Variants in ZNF462 observed in about 807,000 individuals in gnomAD.
The protein encoded by ZNF462 is zinc finger PBX1-interacting protein.
In ZNF462, 10 loss-of-function variants were observed where a neutral mutation model predicts 201.9. That is an observed-to-expected ratio of 0.05 (90% confidence interval 0.03 to 0.08). The LOEUF (loss-of-function observed/expected upper bound fraction) is 0.08, where lower values mean the gene tolerates loss of function less well. ZNF462 is among the 10% of genes least tolerant of loss of function. The pLI is 1.00. For synonymous variants in ZNF462, 1,227 were observed against 1,193.3 expected (o/e 1.03, Z -0.58); for missense variants, 2,523 against 3,168.3 (o/e 0.80, Z 4.89).
In ZNF462 at chr9:106,886,424, T is replaced by C. The variant is rs1828320798; in HGVS notation, c.-31+23069T>C. Among the ~76,000 whole-genome samples, 2 of 152,192 alleles carry C rather than the reference T, an allele frequency of 1.3e-5. No individual in the cohort carries two copies. Among genetic ancestry groups the C allele is most frequent in the East Asian group, 1.9e-4 (1 of 5,192 alleles). On this transcript the variant is annotated intron_variant, in intron 1 of 12. Transcript: ENST00000277225. The surrounding 1 kb of genome is among the most constrained non-coding windows in gnomAD (Gnocchi z 4.6). Reference sequence around the variant, plus strand: ...GATTCAAGCCACTGCATGTTGGCAATGTAGTAGATCCTGGTTTTAAAAATA... The same window carrying C: ...GATTCAAGCCACTGCATGTTGGCAACGTAGTAGATCCTGGTTTTAAAAATA...
chr9:107,010,737 C>G lies in ZNF462; in HGVS notation c.7314-86C>G. 1 of 1,279,492 alleles carries G rather than the reference C, an allele frequency of 7.8e-7. No homozygotes were observed. The highest frequency in any genetic ancestry group is 1.1e-6 in the Non-Finnish European group (1 of 950,546). 79.3% of individuals were successfully genotyped at this position (1,279,492 alleles called of 1,614,324 possible). ...TTTTTGAGGATCAGGAAAATAAAGACACTCGAGGGTTTTTATTATTTTTTT... is the reference window on the plus strand; with the variant it reads ...TTTTTGAGGATCAGGAAAATAAAGAGACTCGAGGGTTTTTATTATTTTTTT... On this transcript the variant is annotated intron_variant, in intron 12 of 12. Transcript: ENST00000277225. This position sits in a 1 kb window ranked among gnomAD's most constrained non-coding sequence, Gnocchi z 4.6.
rs1225216789 is a variant in ZNF462, at chr9:106,895,298, G to T, written c.-30-28056G>T. Among the ~76,000 whole-genome samples the T allele has an allele frequency of 2.0e-5, 3 of 152,162 alleles. No homozygotes were observed. In the East Asian group the frequency reaches 5.8e-4, roughly 29 times the overall value. On this transcript the variant is annotated intron_variant, in intron 1 of 12. Transcript: ENST00000277225. This position sits in a 1 kb window ranked among gnomAD's most constrained non-coding sequence, Gnocchi z 4.4. ...GGATGGGTCAGAAAGTGGTGACCTGGTTATTAGACAGAGTGCACCAAGCAT... is the reference window on the plus strand; with the variant it reads ...GGATGGGTCAGAAAGTGGTGACCTGTTTATTAGACAGAGTGCACCAAGCAT...
intron 7 of ZNF462, among the ~76,000 whole-genome samples, chr9:106,953,240 C>G (rs555617853): frequency 2.9e-4 from 44 of 152,308 alleles, no homozygotes; most frequent in African/African-American, 1.0e-3. Context: ...ATGAAGTGAT[C>G]TAATACGGGC....
At chr9:106,863,125 A>T, upstream of ZNF462, 1 of 397,612 alleles carries the variant, frequency 2.5e-6, no homozygotes, top group Non-Finnish European at 4.4e-6. Flanking sequence ...AGAGAGAGAG[A>T]GGGAGAGAGA....
In ZNF462 at chr9:106,923,591, G is replaced by A. The variant is rs748823761; in HGVS notation, c.208G>A (p.Glu70Lys). The A allele has an allele frequency of 6.2e-7, 1 of 1,614,224 alleles. No homozygotes were observed. Among genetic ancestry groups the A allele is most frequent in the Admixed American group, 1.7e-5 (1 of 60,032 alleles). ...SSIKDEFAIA[E>K]DLSGQNATSL... is the part of the protein sequence containing the mutation. ...TATAAAGGATGAATTTGCCATTGCA[G>A]AAGATTTATCAGGTAAATCTATACT... The change falls in exon 2 of 13, where the codon GAA (glutamate) becomes AAA (lysine). Residue 70 changes from glutamate (E) to lysine (K), a missense_variant. Around this residue, in one of 15 missense-constraint regions of ZNF462, gnomAD observed 480 missense variants for 544.4 expected, o/e 0.88. Coordinates refer to ENST00000277225, the MANE Select transcript of ZNF462 (RefSeq NM_021224.6). This position sits in a 1 kb window ranked among gnomAD's most constrained non-coding sequence, Gnocchi z 5.6.
chr9:106,881,022 A>C (rs1828070166), intron 1 of ZNF462, among the ~76,000 whole-genome samples: 3 of 152,308 alleles, frequency 2.0e-5, no homozygotes, highest in South Asian at 4.1e-4. Flanking sequence ...GTATAGGATC[A>C]CCCATGGTGA....
chr9:106,878,066 G>T (rs1315362775), intron 1 of ZNF462, among the ~76,000 whole-genome samples: 1 of 152,170 alleles, frequency 6.6e-6, no homozygotes, highest in East Asian at 1.9e-4. Flanking sequence ...TGACATGTAG[G>T]ATCCTTGCTT....
rs1324700254 is a variant in ZNF462 at position 106,885,665 on chromosome 9, A to C, written c.-31+22310A>C. Among the ~76,000 whole-genome samples the C allele has an allele frequency of 6.6e-6, 1 of 152,228 alleles. No individual in the cohort carries two copies. The highest frequency in any genetic ancestry group is 1.9e-4 in the East Asian group (1 of 5,190). On this transcript the variant is annotated intron_variant, in intron 1 of 12. Transcript: ENST00000277225. The surrounding 1 kb of genome is among the most constrained non-coding windows in gnomAD (Gnocchi z 4.1). ...AGTGACTCAGATCACCGTGGCAAAC[A>C]ATCCTGTCCAGTTCCAGCTGCCCCA...
rs1373831576 is a variant in ZNF462, at chr9:106,968,169, C to CT, written c.6428-3833dup. On this transcript the variant is annotated intron_variant, in intron 7 of 12. Coordinates refer to ENST00000277225, the MANE Select transcript of ZNF462 (RefSeq NM_021224.6). This position sits in a 1 kb window ranked among gnomAD's most constrained non-coding sequence, Gnocchi z 4.0. Reference sequence around the variant, plus strand: ...ACTCAGACTTTATAATCAGACAGGTCTTTGTTCAAATCCTACCTCTGCTTC... The same window carrying CT: ...ACTCAGACTTTATAATCAGACAGGTCTTTTGTTCAAATCCTACCTCTGCTTC... Among the ~76,000 whole-genome samples the CT allele has an allele frequency of 6.6e-6, 1 of 152,140 alleles. No individual in the cohort carries two copies. Among genetic ancestry groups the CT allele is most frequent in the Non-Finnish European group, 1.5e-5 (1 of 68,018 alleles).
At chr9:106,864,066 C>CTCTCTCTCTG (rs1827192734) in intron 1 of ZNF462, among the ~76,000 whole-genome samples, 5 of 113,030 alleles carry the variant, frequency 4.4e-5, no homozygotes, top group African/African-American at 7.2e-5. Flanking sequence ...CTCTCTCTCT[C>CTCTCTCTCTG]TCTCTCTCTC....
intron 7 of ZNF462, among the ~76,000 whole-genome samples, chr9:106,959,763 C>T (rs977024835): frequency 3.9e-5 from 6 of 152,044 alleles, no homozygotes; most frequent in Admixed American, 3.3e-4. Context: ...AAACATCTGA[C>T]ACAGATGCTA....
At position 107,006,263 on chromosome 9, in the gene ZNF462, G is replaced by A. The variant is rs1399671115; in HGVS notation, c.7189+2837G>A. On this transcript the variant is annotated intron_variant, in intron 11 of 12. Transcript: ENST00000277225. The surrounding 1 kb of genome is among the most constrained non-coding windows in gnomAD (Gnocchi z 4.3). ...ATAACAATCACCTAATAAATGATAA[G>A]CCTGCAATGTAGGTGTTATTTTTGT... 6.6e-6 allele frequency among the ~76,000 whole-genome samples: 1 copy of A among 152,072 alleles called. No homozygotes were observed. The highest frequency in any genetic ancestry group is 1.5e-5 in the Non-Finnish European group (1 of 68,026).
Position 106,876,782 on chromosome 9 carries a change from A to G in ZNF462, c.-31+13427A>G, listed in dbSNP as rs1488069650. ...GTTATTACTGTTCCTATTGTTTGGC[A>G]TCATTCTGGCAAAAATGATATGTCG... On this transcript the variant is annotated intron_variant, in intron 1 of 12. Coordinates refer to ENST00000277225, the MANE Select transcript of ZNF462 (RefSeq NM_021224.6). The surrounding 1 kb of genome is among the most constrained non-coding windows in gnomAD (Gnocchi z 4.9). Among the ~76,000 whole-genome samples the G allele has an allele frequency of 6.6e-6, 1 of 152,194 alleles. No individual in the cohort carries two copies. The highest frequency in any genetic ancestry group is 1.5e-5 in the Non-Finnish European group (1 of 68,038).
At position 106,925,471 on chromosome 9, in the gene ZNF462, AT is replaced by A. The variant is rs1564103850; in HGVS notation, c.1560del (p.Tyr520Ter). The A allele has an allele frequency of 1.2e-6, 2 of 1,614,158 alleles. No homozygotes were observed. The highest frequency in any genetic ancestry group is 1.7e-5 in the Admixed American group (1 of 60,030). On this transcript the variant is annotated frameshift_variant, in exon 3 of 13. Coordinates refer to ENST00000277225, the MANE Select transcript of ZNF462 (RefSeq NM_021224.6). LOFTEE classifies it high-confidence loss of function. This position sits in a 1 kb window ranked among gnomAD's most constrained non-coding sequence, Gnocchi z 7.9. ...TCACTGAATGAAGGTGTGGTGTCTT[AT>A]GAGAGCTCAAGCATCAATGGTAGAA... is the stretch of plus-strand genomic sequence containing the variant. ...SSSLNEGVVS[Y>X]ESSSINGRKS...
intron 1 of ZNF462, among the ~76,000 whole-genome samples, chr9:106,916,856 A>G (rs1207424297): frequency 6.6e-6 from 1 of 152,196 alleles, no homozygotes; most frequent in East Asian, 1.9e-4. Context: ...AAAATTGTCA[A>G]GACGCTTCTC....
rs983755216 is a variant in ZNF462, at chr9:106,954,176, G to A, written c.6427+15069G>A. Among the ~76,000 whole-genome samples the A allele has an allele frequency of 5.3e-5, 8 of 152,134 alleles. No individual in the cohort carries two copies. Among genetic ancestry groups the A allele is most frequent in the South Asian group, 4.1e-4 (2 of 4,828 alleles). ...GCTATAAAGAACTACCTGAGACTGC[G>A]TAATTTATAAAGAAAAGAGGTTTAA... On this transcript the variant is annotated intron_variant, in intron 7 of 12. Transcript: ENST00000277225. This position sits in a 1 kb window ranked among gnomAD's most constrained non-coding sequence, Gnocchi z 4.0.
chr9:106,985,374 A>G (rs760042466), intron 10 of ZNF462, among the ~76,000 whole-genome samples: 1 of 152,180 alleles, frequency 6.6e-6, no homozygotes, highest in Non-Finnish European at 1.5e-5. Context: ...ATACATTAGT[A>G]CAGGACATAA....
intron 1 of ZNF462, among the ~76,000 whole-genome samples, chr9:106,909,136 G>T (rs1332498129): frequency 2.0e-5 from 3 of 149,756 alleles, no homozygotes; most frequent in Non-Finnish European, 4.5e-5. Context: ...GCTAATTTTT[G>T]TATTTTTAGT....
chr9:106,863,929 A>G (rs1052078551), intron 1 of ZNF462, among the ~76,000 whole-genome samples: 1 of 149,444 alleles, frequency 6.7e-6, no homozygotes, highest in African/African-American at 2.5e-5. Flanking sequence ...GAGCGGGTTG[A>G]CCTCTTTCTT....
Sources: allele counts gnomAD v4.1 joint callset (sites outside exome capture counted in the v4.1 genomes callset), GRCh38; gene constraint gnomAD v4.1.1; regional missense constraint gnomAD v4.1.1; non-coding constraint Gnocchi (gnomAD v3.1); transcripts MANE v1.5; gene names NCBI Gene and HGNC (gene_info 2026-07-23, HGNC 2026-07-21).